EML5: variants seen among roughly 807,000 people sequenced by gnomAD.
EML5 encodes the protein EMAP like 5, also known as echinoderm microtubule-associated protein-like 5.
In EML5, 120 loss-of-function variants were observed where a neutral mutation model predicts 250.0. That is an observed-to-expected ratio of 0.48 (90% CI 0.41 to 0.56). The LOEUF (loss-of-function observed/expected upper bound fraction) is 0.56, where lower values mean the gene tolerates loss of function less well. Ranked by LOEUF, EML5 falls within the 20% of genes least tolerant of loss-of-function variation. The pLI, the probability that EML5 is intolerant of heterozygous loss-of-function variation, is 0.00. For missense variants in EML5, 2,006 were observed against 2,437.6 expected, an observed-to-expected ratio of 0.82 and a Z score of 3.73; for synonymous variants, 771 against 806.5, an observed-to-expected ratio of 0.96 and a Z score of 0.75.
chr14:88,731,331 T>G (rs1595705372), intron 7 of EML5, among the ~76,000 whole-genome samples: 1 of 147,256 alleles, frequency 6.8e-6, no homozygotes, highest in East Asian at 2.0e-4. Flanking sequence ...TTGGTTTTTG[T>G]CCTTGCGATA....
chr14:88,619,482 G>C (rs750051866), intron 39 of EML5: 2 of 152,250 alleles, frequency 1.3e-5, no homozygotes, highest in Non-Finnish European at 2.9e-5. Flanking sequence ...TGGGATTACA[G>C]GTGTGAGCCA....
At chr14:88,698,615 TA>T (rs1003796072) in intron 14 of EML5, among the ~76,000 whole-genome samples, 1 of 152,116 alleles carries the variant, frequency 6.6e-6, no homozygotes, top group African/African-American at 2.4e-5. Context: ...ACCTGTTACT[TA>T]AATACAAACC....
rs763911045 is a variant in EML5, at chr14:88,792,317, C to T, written c.187G>A (p.Asp63Asn). Residue 63 changes from aspartate (D) to asparagine (N), a missense_variant, in exon 1 of 44, where the codon GAC becomes AAC. Asp to Asn is a conservative substitution (Grantham distance 23, BLOSUM62 1). Transcript: ENST00000554922. This position sits in a 1 kb window ranked among gnomAD's most constrained non-coding sequence, Gnocchi z 6.9. ...RQKFYRGHSD[D>N]IISLALHPER... is the part of the protein sequence containing the mutation. ...CCCGCTCCCCGGTACCTGATGATGT[C>T]GTCGCTGTGGCCCCGGTAGAACTTC... 1.9e-6 allele frequency: 3 copies of T among 1,557,440 alleles called. No homozygotes were observed. The South Asian group carries it at 3.6e-5, about 18-fold the overall frequency.
At position 88,615,143 on chromosome 14, in the gene EML5, A is replaced by T. The variant is rs1449520801; in HGVS notation, c.*675T>A. ...AGAGATGGCATCTGAACATAAACTG[A>T]TGGCTCGAAAATGAAAATGGAAATG... On this transcript the variant is annotated 3_prime_UTR_variant, in exon 44 of 44. Transcript: ENST00000554922. 1 of 152,194 alleles carries T rather than the reference A, an allele frequency of 6.6e-6. No individual in the cohort carries two copies. Among genetic ancestry groups the T allele is most frequent in the Non-Finnish European group, 1.5e-5 (1 of 68,038 alleles). 9.4% of individuals were successfully genotyped at this position (152,194 alleles called of 1,614,324 possible).
intron 24 of EML5, among the ~76,000 whole-genome samples, chr14:88,662,419 T>A (rs1439899841): frequency 1.4e-5 from 2 of 145,028 alleles, no homozygotes; most frequent in Non-Finnish European, 3.0e-5. Flanking sequence ...TATGGATTCC[T>A]AAGGACGTGG....
chr14:88,660,241 C>A (rs1399778549), intron 25 of EML5, among the ~76,000 whole-genome samples: 1 of 150,482 alleles, frequency 6.6e-6, no homozygotes, highest in Non-Finnish European at 1.5e-5. Flanking sequence ...CATGATTGCG[C>A]CATTGCATTC....
At chr14:88,730,327 A>G (rs1006028872) in intron 7 of EML5, among the ~76,000 whole-genome samples, 1 of 152,234 alleles carries the variant, frequency 6.6e-6, no homozygotes, top group East Asian at 1.9e-4. Flanking sequence ...ATATCTCATC[A>G]CAGAAGTTAT....
intron 1 of EML5, among the ~76,000 whole-genome samples, chr14:88,789,823 G>C (rs1745116337): frequency 6.6e-6 from 1 of 152,234 alleles, no homozygotes; most frequent in Admixed American, 6.5e-5. Flanking sequence ...TGAGGACAAT[G>C]ATCTGCTCAT....
intron 16 of EML5, among the ~76,000 whole-genome samples, chr14:88,694,862 TA>T (rs2093039761): frequency 6.6e-6 from 1 of 152,172 alleles, no homozygotes; most frequent in Admixed American, 6.5e-5. Context: ...AATAGCAGGT[TA>T]AAATCTCTGA....
chr14:88,654,443 G>A (rs962614891), intron 27 of EML5, among the ~76,000 whole-genome samples: 3 of 152,160 alleles, frequency 2.0e-5, no homozygotes, highest in African/African-American at 7.2e-5. Context: ...TCTAAAGACT[G>A]CTTTAGCTGT....
chr14:88,759,643 C>A (rs1167927428), intron 1 of EML5, among the ~76,000 whole-genome samples: 1 of 139,250 alleles, frequency 7.2e-6, no homozygotes, highest in African/African-American at 2.8e-5. Context: ...GTGATCATGC[C>A]ACTATACTCC....
chr14:88,616,957 T>C, intron 41 of EML5, 78 bp from the exon 42 acceptor site: 1 of 1,418,508 alleles, frequency 7.0e-7, no homozygotes, highest in Non-Finnish European at 9.8e-7. Context: ...TTCTTGGCAA[T>C]TAATCTCTAA....
At chr14:88,757,674 T>C (rs565702543) in intron 1 of EML5, among the ~76,000 whole-genome samples, 2 of 152,206 alleles carry the variant, frequency 1.3e-5, no homozygotes, top group African/African-American at 4.8e-5. Context: ...TTAACAGACA[T>C]ACCCCCAAGG....
rs186388751 is a variant in EML5, at chr14:88,773,935, A to T, written c.197+18372T>A. On this transcript the variant is annotated intron_variant, in intron 1 of 43. Coordinates refer to ENST00000554922, the MANE Select transcript of EML5 (RefSeq NM_183387.3). ...GGAGTTCAAGACCAGCCTGGCCAACATGGTAAAACCCCACCTCTACTAAAA... is the reference window on the plus strand; with the variant it reads ...GGAGTTCAAGACCAGCCTGGCCAACTTGGTAAAACCCCACCTCTACTAAAA... Among the ~76,000 whole-genome samples, 248 of 152,272 alleles carry T rather than the reference A, an allele frequency of 1.6e-3. 1 individual carries two copies. The highest frequency in any genetic ancestry group is 5.8e-3 in the African/African-American group (240 of 41,554).
chr14:88,767,354 T>C (rs1413003458), intron 1 of EML5, among the ~76,000 whole-genome samples: 1 of 152,174 alleles, frequency 6.6e-6, no homozygotes, highest in Non-Finnish European at 1.5e-5. Context: ...GAGTCAACTA[T>C]ACCCTTATGA....
At chr14:88,650,175 G>A (rs934768487) in intron 27 of EML5, among the ~76,000 whole-genome samples, 13 of 152,042 alleles carry the variant, frequency 8.6e-5, no homozygotes, top group African/African-American at 2.2e-4. Context: ...TTTATTGGCT[G>A]GGCAAGGTGG....
intron 31 of EML5, among the ~76,000 whole-genome samples, chr14:88,639,515 A>G (rs1265607839): frequency 6.6e-6 from 1 of 152,160 alleles, no homozygotes; most frequent in Non-Finnish European, 1.5e-5. Flanking sequence ...TTTCCATTTA[A>G]TAATTTGGGC....
At chr14:88,724,796 A>C (rs1004911092) in intron 8 of EML5, among the ~76,000 whole-genome samples, 3 of 152,178 alleles carry the variant, frequency 2.0e-5, no homozygotes, top group African/African-American at 7.2e-5. Context: ...TAACCTGCAA[A>C]ACTGAAGAGC....
intron 7 of EML5, among the ~76,000 whole-genome samples, chr14:88,730,463 T>C (rs1444135749): frequency 6.6e-6 from 1 of 152,236 alleles, no homozygotes; most frequent in Admixed American, 6.5e-5. Flanking sequence ...TTGCAGCAGC[T>C]TAAGAAATAT....
Sources: allele counts gnomAD v4.1 joint callset (sites outside exome capture counted in the v4.1 genomes callset), GRCh38; gene constraint gnomAD v4.1.1; non-coding constraint Gnocchi (gnomAD v3.1); transcripts MANE v1.5; gene names NCBI Gene and HGNC (gene_info 2026-07-23, HGNC 2026-07-21).